Variants in GID4 observed in about 807,000 individuals in gnomAD.
The protein encoded by GID4 is glucose-induced degradation protein 4 homolog.
In GID4, 7 loss-of-function variants were observed where a neutral mutation model predicts 32.4. The ratio of observed to expected loss-of-function variants is 0.22; its 90% CI spans 0.12 to 0.41. The LOEUF (loss-of-function observed/expected upper bound fraction) is 0.41. Among genes scored for constraint, GID4 ranks in the 10% least tolerant of loss-of-function variants. The probability of loss-of-function intolerance (pLI) is 1.00; values close to 1 mark genes in which losing one functional copy is unlikely to be tolerated. For missense variants in GID4, 309 were observed against 400.0 expected (o/e 0.77, Z 1.94); for synonymous variants, 166 against 170.0 (o/e 0.98, Z 0.18).
At position 18,039,760 on chromosome 17, in the gene GID4, C is replaced by T. The variant is rs1161105911; in HGVS notation, c.296C>T (p.Ala99Val). 1 of 1,565,336 alleles carries T rather than the reference C, an allele frequency of 6.4e-7. No individual in the cohort carries two copies. The highest frequency in any genetic ancestry group is 1.8e-5 in the Admixed American group (1 of 54,622). ...ECPPPAGASA[A>V]SAASLIPPPP... ...CCCCCGCCGGCCGGTGCCTCCGCTG[C>T]CTCCGCGGCCTCACTCATCCCGCCG... The change falls in exon 1 of 6, where the codon GCC becomes GTC. Residue 99 changes from alanine (A) to valine (V), a missense_variant. Physicochemically the swap from Ala to Val is moderately conservative, Grantham distance 64. Coordinates refer to ENST00000268719, the MANE Select transcript of GID4 (RefSeq NM_024052.5). This position sits in a 1 kb window ranked among gnomAD's most constrained non-coding sequence, Gnocchi z 5.3.
Position 18,061,767 on chromosome 17 carries a change from C to A in GID4, c.709-78C>A. The A allele has an allele frequency of 7.2e-7, 1 of 1,381,628 alleles. No individual in the cohort carries two copies. The highest frequency in any genetic ancestry group is 1.0e-6 in the Non-Finnish European group (1 of 975,070). 85.6% of individuals were successfully genotyped at this position (1,381,628 alleles called of 1,614,324 possible). ...ATTTTTCTCGAGTGGTCCTTAGAACCCCCTGATGCTTAACAGGGAGGCCCC... is the reference window on the plus strand; with the variant it reads ...ATTTTTCTCGAGTGGTCCTTAGAACACCCTGATGCTTAACAGGGAGGCCCC... On this transcript the variant is annotated intron_variant, in intron 4 of 5. Transcript: ENST00000268719. This position sits in a 1 kb window ranked among gnomAD's most constrained non-coding sequence, Gnocchi z 4.4.
intron 1 of GID4, among the ~76,000 whole-genome samples, chr17:18,040,530 T>C (rs2044786027): frequency 6.6e-6 from 1 of 152,208 alleles, no homozygotes; most frequent in Non-Finnish European, 1.5e-5. Context: ...CCCTGAGTGC[T>C]GCTCACAGTC....
chr17:18,065,220 G>A lies in GID4; in HGVS notation c.880G>A (p.Ala294Thr). Residue 294 changes from alanine to threonine, a missense_variant, in exon 6 of 6, where the codon GCA (alanine) becomes ACA (threonine). Ala to Thr is a moderately conservative substitution (Grantham distance 58). This residue lies in a region of GID4 where 116 missense variants were observed against 214.2 expected (regional missense o/e 0.54). Coordinates refer to ENST00000268719, the MANE Select transcript of GID4 (RefSeq NM_024052.5). ...LNLTHVPEHSAPIYEFR is the reference protein window; with the variant it reads ...LNLTHVPEHSTPIYEFR Reference sequence around the variant, plus strand: ...TCTAACCCATGTTCCTGAACACAGTGCACCCATCTATGAATTCCGGTGACA... The same window carrying A: ...TCTAACCCATGTTCCTGAACACAGTACACCCATCTATGAATTCCGGTGACA... 1.2e-6 allele frequency: 2 copies of A among 1,613,844 alleles called. No individual in the cohort carries two copies. The highest frequency in any genetic ancestry group is 1.7e-6 in the Non-Finnish European group (2 of 1,179,754).
chr17:18,054,401 A>C (rs1375149175), intron 3 of GID4, among the ~76,000 whole-genome samples, 167 bp downstream of exon 3: 3 of 152,226 alleles, frequency 2.0e-5, no homozygotes, highest in Non-Finnish European at 4.4e-5. Flanking sequence ...TTATGAGGAC[A>C]GTTTAAATAC....
chr17:18,059,854 A>G (rs1165019055), intron 4 of GID4, among the ~76,000 whole-genome samples: 13 of 148,140 alleles, frequency 8.8e-5, no homozygotes, highest in Non-Finnish European at 1.5e-5. Context: ...GGGAGGCTGA[A>G]GCAGGCAGAT....
At chr17:18,046,655 C>G (rs1291566717) in intron 2 of GID4, among the ~76,000 whole-genome samples, 1 of 151,536 alleles carries the variant, frequency 6.6e-6, no homozygotes, top group Non-Finnish European at 1.5e-5. Context: ...GGCGTGGTGG[C>G]TCACACCTGT....
Position 18,039,719 on chromosome 17 carries a change from G to A in GID4, c.255G>A (p.Pro85=), listed in dbSNP as rs770105827. The change falls in exon 1 of 6, where the codon CCG becomes CCA. Residue 85 remains proline, a synonymous_variant. Transcript: ENST00000268719. This position sits in a 1 kb window ranked among gnomAD's most constrained non-coding sequence, Gnocchi z 5.3. ...TGGCTCCGGGGGACCCCGCGATGCC[G>A]GTCCGCACCGAGTGTCCCCCGCCGG... The part of the protein sequence containing the change: ...PALAPGDPAM[P]VRTECPPPAG... The A allele has an allele frequency of 2.0e-6, 3 of 1,504,394 alleles. No individual in the cohort carries two copies. Among genetic ancestry groups the A allele is most frequent in the African/African-American group, 1.4e-5 (1 of 69,130 alleles). The allele number at this position is 1,504,394 out of a possible 1,614,324, so 93.2% of individuals were successfully genotyped here.
At chr17:18,062,131 C>T (rs2045022631) in intron 5 of GID4, 156 bp downstream of exon 5, 2 of 691,476 alleles carry the variant, frequency 2.9e-6, no homozygotes, top group Non-Finnish European at 5.0e-6. Context: ...ATCTCAGTTG[C>T]TCACAATAAG....
At chr17:18,040,243 A>G (rs1433637779) in intron 1 of GID4, among the ~76,000 whole-genome samples, 1 of 152,002 alleles carries the variant, frequency 6.6e-6, no homozygotes, top group South Asian at 2.1e-4. Flanking sequence ...TCGTCCCTAG[A>G]TCAGGGACTG....
intron 5 of GID4, 177 bp downstream of exon 5, chr17:18,062,152 T>C: frequency 1.7e-6 from 1 of 594,848 alleles, no homozygotes; most frequent in Admixed American, 2.9e-5. Flanking sequence ...GCCTTATCCC[T>C]ATGCACAGAG....
intron 2 of GID4, among the ~76,000 whole-genome samples, chr17:18,049,427 T>A (rs1263564597): frequency 6.6e-6 from 1 of 151,632 alleles, no homozygotes; most frequent in Non-Finnish European, 1.5e-5. Flanking sequence ...CAAGCACAGC[T>A]TTTTTGTTTG....
intron 5 of GID4, 25 bp from the exon 6 acceptor site, chr17:18,065,155 C>T (rs370254156): frequency 2.1e-5 from 33 of 1,594,866 alleles, no homozygotes; most frequent in South Asian, 3.3e-5. Context: ...GACTACCTCC[C>T]GTTTCTGTCT....
intron 3 of GID4, among the ~76,000 whole-genome samples, chr17:18,056,516 C>T (rs1442595691): frequency 6.6e-6 from 1 of 152,182 alleles, no homozygotes; most frequent in African/African-American, 2.4e-5. Flanking sequence ...CTGTACAGTC[C>T]CAGAGTAGAA....
chr17:18,040,300 AGACTTGG>A (rs1226722333), intron 1 of GID4, among the ~76,000 whole-genome samples: 9 of 152,180 alleles, frequency 5.9e-5, no homozygotes, highest in African/African-American at 2.2e-4. Flanking sequence ...TGGTTTCACC[AGACTTGG>A]GACCCTCCCC....
chr17:18,046,956 G>A (rs2044860289), intron 2 of GID4, among the ~76,000 whole-genome samples: 2 of 148,868 alleles, frequency 1.3e-5, no homozygotes, highest in South Asian at 4.3e-4. Context: ...TCCCTGCTCT[G>A]TCTAAGACAA....
chr17:18,045,012 G>A (rs1047699431), intron 1 of GID4, 135 bp from the exon 2 acceptor site: 1 of 579,058 alleles, frequency 1.7e-6, no homozygotes. Context: ...AGATTCCAGA[G>A]ACTGGGTGAG....
At chr17:18,047,905 T>C (rs1199488422) in intron 2 of GID4, among the ~76,000 whole-genome samples, 2 of 143,574 alleles carry the variant, frequency 1.4e-5, no homozygotes, top group East Asian at 4.0e-4. Context: ...ATGTGATAAC[T>C]TTTTTTTTTT....
chr17:18,061,193 T>G lies in GID4; in HGVS notation c.709-652T>G, dbSNP rs2045014884. On this transcript the variant is annotated intron_variant, in intron 4 of 5. Coordinates refer to ENST00000268719, the MANE Select transcript of GID4 (RefSeq NM_024052.5). This position sits in a 1 kb window ranked among gnomAD's most constrained non-coding sequence, Gnocchi z 4.4. ...TCCTTTAGTAGACCACCTGAGGCCC[T>G]GGAGCTTCTGACCTCATCTCTCTGG... Among the ~76,000 whole-genome samples the G allele has an allele frequency of 6.6e-6, 1 of 152,238 alleles. No individual in the cohort carries two copies. The highest frequency in any genetic ancestry group is 6.5e-5 in the Admixed American group (1 of 15,278).
chr17:18,057,793 GA>G (rs1372062739), intron 3 of GID4, among the ~76,000 whole-genome samples: 1 of 150,164 alleles, frequency 6.7e-6, no homozygotes, highest in Non-Finnish European at 1.5e-5. Context: ...GCCACAGTTT[GA>G]AAATATTTGA....
Sources: gnomAD v4.1 joint callset for allele counts (sites outside exome capture counted in the v4.1 genomes callset) on GRCh38, gnomAD v4.1.1 for gene constraint, gnomAD v4.1.1 regional missense constraint, Gnocchi (gnomAD v3.1) non-coding constraint, MANE v1.5 for transcripts, NCBI Gene and HGNC (gene_info 2026-07-23, HGNC 2026-07-21) for gene names.